APBB2: variants seen among roughly 807,000 people sequenced by gnomAD.
APBB2 encodes the protein amyloid beta precursor protein binding family B member 2.
Under a neutral mutation model 82.5 loss-of-function variants are expected in APBB2, and 38 were observed. The observed-to-expected ratio is 0.46, with a 90% CI of 0.36 to 0.60. The LOEUF (loss-of-function observed/expected upper bound fraction) is 0.60. Ranked by LOEUF, APBB2 falls within the 20% of genes least tolerant of loss-of-function variation. The pLI, the probability that APBB2 is intolerant of heterozygous loss-of-function variation, is 0.00. For missense variants in APBB2, 772 were observed against 972.3 expected (o/e 0.79, Z 2.74); for synonymous variants, 341 against 368.2 (o/e 0.93, Z 0.85).
chr4:41,168,629 AAAAAAG>A (rs1229639803), intron 1 of APBB2, among the ~76,000 whole-genome samples: 2 of 152,248 alleles, frequency 1.3e-5, no homozygotes, highest in Non-Finnish European at 2.9e-5. Flanking sequence ...ATAGAAATTT[AAAAAAG>A]AAAAAGTCCC....
At chr4:41,187,629 A>G (rs1773251826) in intron 1 of APBB2, among the ~76,000 whole-genome samples, 1 of 152,250 alleles carries the variant, frequency 6.6e-6, no homozygotes, top group South Asian at 2.1e-4. Flanking sequence ...TCTATTGAAC[A>G]TGGTCATTGT....
chr4:40,810,373 G>A lies in APBB2; in HGVS notation c.*5719C>T, dbSNP rs1744169666. 1 of 151,874 alleles carries A rather than the reference G, an allele frequency of 6.6e-6. No homozygotes were observed. Among genetic ancestry groups the A allele is most frequent in the Admixed American group, 6.6e-5 (1 of 15,240 alleles). The allele number at this position is 151,874 out of a possible 1,614,324, so 9.4% of individuals were successfully genotyped here. ...CCACTTGAGCACCGGAGTTCCAGAC[G>A]AGCCTGGACAACATGGCGAAACCCC... On this transcript the variant is annotated 3_prime_UTR_variant, in exon 18 of 18. Coordinates refer to ENST00000508593, the MANE Select transcript of APBB2 (RefSeq NM_004307.2).
intron 7 of APBB2, among the ~76,000 whole-genome samples, chr4:40,941,166 A>G (rs1451882103): frequency 6.6e-6 from 1 of 151,950 alleles, no homozygotes; most frequent in Non-Finnish European, 1.5e-5. Flanking sequence ...AAGCCAGCTC[A>G]GAAAAAAGCT....
rs148640859 is a variant in APBB2, at chr4:40,944,339, C to T, written c.1044+526G>A. 2.8e-4 allele frequency among the ~76,000 whole-genome samples: 42 copies of T among 152,260 alleles called. No individual in the cohort carries two copies. In the Middle Eastern group the frequency reaches 0.01, roughly 37 times the overall value. ...GACAGCAGAAATTTATGCTGTTAAT[C>T]GTTTCTAAAATAATGTCACTTCTAC... On this transcript the variant is annotated intron_variant, in intron 7 of 17. Coordinates refer to ENST00000508593, the MANE Select transcript of APBB2 (RefSeq NM_004307.2).
chr4:41,012,567 C>CA (rs1808685038), intron 6 of APBB2, among the ~76,000 whole-genome samples: 1 of 151,676 alleles, frequency 6.6e-6, no homozygotes, highest in South Asian at 2.1e-4. Context: ...AAAAACGCTA[C>CA]TTTTTTTTTC....
intron 10 of APBB2, among the ~76,000 whole-genome samples, chr4:40,931,187 A>C (rs571580441): frequency 2.0e-5 from 3 of 152,352 alleles, no homozygotes; most frequent in Admixed American, 6.5e-5. Context: ...CAGAAAGCCT[A>C]GGTCTTGCCA....
In APBB2 at chr4:40,937,587, C is replaced by G. The variant is rs115389423; in HGVS notation, c.1045-2448G>C. 7.3e-3 allele frequency among the ~76,000 whole-genome samples: 1,114 copies of G among 152,258 alleles called. 17 individuals carry two copies. Among genetic ancestry groups the G allele is most frequent in the African/African-American group, 0.025 (1,025 of 41,568 alleles). ...TTTACAAAAACTTAACACGGGCACTCTTAAGGAAATCCTTTAGCACAAAAC... is the reference window on the plus strand; with the variant it reads ...TTTACAAAAACTTAACACGGGCACTGTTAAGGAAATCCTTTAGCACAAAAC... On this transcript the variant is annotated intron_variant, in intron 7 of 17. Transcript: ENST00000508593.
chr4:41,199,006 T>C (rs2154074877), intron 1 of APBB2, among the ~76,000 whole-genome samples: 1 of 152,220 alleles, frequency 6.6e-6, no homozygotes. Context: ...AAAACAAATT[T>C]CCCTCTTCTT....
chr4:41,016,504 A>G (rs898264749), intron 5 of APBB2, among the ~76,000 whole-genome samples: 8 of 152,136 alleles, frequency 5.3e-5, no homozygotes, highest in Non-Finnish European at 8.8e-5. Context: ...TCTACTAAAA[A>G]TACAAAATTA....
chr4:41,089,020 G>A (rs1404341309), intron 3 of APBB2, among the ~76,000 whole-genome samples: 1 of 151,980 alleles, frequency 6.6e-6, no homozygotes, highest in East Asian at 1.9e-4. Flanking sequence ...TTTTTTCTAG[G>A]TAACAAAGCT....
intron 10 of APBB2, among the ~76,000 whole-genome samples, chr4:40,906,690 T>C (rs190751675): frequency 1.2e-3 from 182 of 152,212 alleles, no homozygotes; most frequent in African/African-American, 4.2e-3. Context: ...ACTCTGCATC[T>C]TTTTTAAGTG....
intron 6 of APBB2, among the ~76,000 whole-genome samples, chr4:41,006,952 C>T (rs1008183720): frequency 3.9e-5 from 6 of 152,176 alleles, no homozygotes; most frequent in African/African-American, 1.2e-4. Context: ...GTTGTGTTGA[C>T]ATAATTAGGT....
chr4:40,891,155 A>G (rs1771906728), intron 11 of APBB2, among the ~76,000 whole-genome samples: 1 of 152,218 alleles, frequency 6.6e-6, no homozygotes, highest in South Asian at 2.1e-4. Context: ...AGGTTAAGTA[A>G]CTTGCTCAGG....
intron 12 of APBB2, among the ~76,000 whole-genome samples, chr4:40,874,608 C>T (rs1766386146): frequency 6.6e-6 from 1 of 152,190 alleles, no homozygotes; most frequent in Non-Finnish European, 1.5e-5. Flanking sequence ...ATCCCTAGAA[C>T]AGTGTTTTCT....
chr4:41,016,124 T>C (rs1579265695), intron 5 of APBB2, among the ~76,000 whole-genome samples: 1 of 152,150 alleles, frequency 6.6e-6, no homozygotes, highest in East Asian at 1.9e-4. Flanking sequence ...TTTAGACTCT[T>C]GGGTATTTAG....
At chr4:40,876,602 G>C (rs1417853170) in intron 12 of APBB2, among the ~76,000 whole-genome samples, 1 of 151,944 alleles carries the variant, frequency 6.6e-6, no homozygotes, top group African/African-American at 2.4e-5. Context: ...ATATAAAATG[G>C]GACAGTATTT....
At chr4:41,167,171 G>A (rs575093672) in intron 1 of APBB2, among the ~76,000 whole-genome samples, 26 of 152,298 alleles carry the variant, frequency 1.7e-4, no homozygotes, top group African/African-American at 5.1e-4. Flanking sequence ...AGAGGTGGGG[G>A]CAGGCGCACA....
chr4:41,034,276 C>T (rs1718259087), intron 4 of APBB2, among the ~76,000 whole-genome samples: 1 of 151,696 alleles, frequency 6.6e-6, no homozygotes, highest in Admixed American at 6.6e-5. Flanking sequence ...ACCATGCTGC[C>T]CTTAGGAAAA....
Position 41,148,898 on chromosome 4 carries a change from T to C in APBB2, c.-416-5756A>G, listed in dbSNP as rs865835446. ...GGTCATTCTTCATCTGTAGGAAATATAAAATACATATAGGAAATAGAAACG... is the reference window on the plus strand; with the variant it reads ...GGTCATTCTTCATCTGTAGGAAATACAAAATACATATAGGAAATAGAAACG... On this transcript the variant is annotated intron_variant, in intron 1 of 17. Transcript: ENST00000508593. Among the ~76,000 whole-genome samples the C allele has an allele frequency of 2.3e-4, 35 of 152,322 alleles. No homozygotes were observed. In the Middle Eastern group the frequency reaches 0.01, roughly 44 times the overall value.
Sources: allele counts gnomAD v4.1 joint callset (sites outside exome capture counted in the v4.1 genomes callset), GRCh38; gene constraint gnomAD v4.1.1; transcripts MANE v1.5; gene names NCBI Gene and HGNC (gene_info 2026-07-23, HGNC 2026-07-21).